The following CAD variants were observed in gnomAD, a reference collection of about 807,000 sequenced individuals.
CAD encodes carbamoyl-phosphate synthetase 2, aspartate transcarbamylase, and dihydroorotase.
Under a neutral mutation model 237.2 loss-of-function variants are expected in CAD, and 81 were observed. That is an observed-to-expected ratio of 0.34 (90% CI 0.29 to 0.41). CAD has a LOEUF of 0.41. Among genes scored for constraint, CAD ranks in the 10% least tolerant of loss-of-function variants. The pLI is 1.00. For synonymous variants in CAD, 1,196 were observed against 1,162.8 expected (o/e 1.03, Z -0.58); for missense variants, 2,181 against 2,951.7 (o/e 0.74, Z 6.05).
Position 27,240,490 on chromosome 2 carries a change from T to C in CAD, c.5593+129T>C. 6.7e-7 allele frequency: 1 copy of C among 1,503,716 alleles called. No homozygotes were observed. Among genetic ancestry groups the C allele is most frequent in the South Asian group, 1.2e-5 (1 of 85,196 alleles). The allele number at this position is 1,503,716 out of a possible 1,614,324, so 93.1% of individuals were successfully genotyped here. A position where few individuals can be genotyped will look rare whatever the true frequency, so the allele number is the denominator to read the frequency against. On this transcript the variant is annotated intron_variant, in intron 35 of 43. Transcript: ENST00000264705. This position sits in a 1 kb window ranked among gnomAD's most constrained non-coding sequence, Gnocchi z 4.6. Reference sequence around the variant, plus strand: ...TATCCTCGTCTGATCTGCCGTGCCATCCTTTGCCTAAACAAGTCTCCCCGG... The same window carrying C: ...TATCCTCGTCTGATCTGCCGTGCCACCCTTTGCCTAAACAAGTCTCCCCGG...
In CAD at chr2:27,236,416, C is replaced by T. The variant is rs1366965500; in HGVS notation, c.4207C>T (p.Arg1403Trp). ...INLSMRGAGGRRLSSFVTKGY... is the reference protein window; with the variant it reads ...INLSMRGAGGWRLSSFVTKGY... ...CCTGTCAATGCGTGGAGCTGGGGGC[C>T]GGCGTCTCTCTTCCTTTGTCACCAA... The change falls in exon 26 of 44, where the codon CGG (arginine) becomes TGG (tryptophan). Residue 1403 changes from arginine to tryptophan, a missense_variant. Around this residue, in one of 12 missense-constraint regions of CAD, gnomAD observed 306 missense variants for 607.9 expected, o/e 0.50. Coordinates refer to ENST00000264705, the MANE Select transcript of CAD (RefSeq NM_004341.5). This position sits in a 1 kb window ranked among gnomAD's most constrained non-coding sequence, Gnocchi z 4.1. 2.5e-6 allele frequency: 4 copies of T among 1,614,046 alleles called. No individual in the cohort carries two copies. The highest frequency in any genetic ancestry group is 1.3e-5 in the African/African-American group (1 of 74,914).
chr2:27,238,307 C>G (rs1676123638), intron 30 of CAD, 120 bp downstream of exon 30: 2 of 1,459,540 alleles, frequency 1.4e-6, no homozygotes, highest in Admixed American at 4.0e-5. Flanking sequence ...GGAGGAGGGT[C>G]TCGAGCCAGC....
rs1676351882 is a variant in CAD at position 27,242,170 on chromosome 2, A to G, written c.6096+47A>G. 4 of 1,599,472 alleles carry G rather than the reference A, an allele frequency of 2.5e-6. No homozygotes were observed. Among genetic ancestry groups the G allele is most frequent in the Non-Finnish European group, 1.7e-6 (2 of 1,170,508 alleles). On this transcript the variant is annotated intron_variant, in intron 39 of 43. Transcript: ENST00000264705. The surrounding 1 kb of genome is among the most constrained non-coding windows in gnomAD (Gnocchi z 6.4). ...AGATGGGGTTAAGAAGGCTGGACCC[A>G]GGGGCATGAGAACCCTTCTGCCCAC... is the stretch of plus-strand genomic sequence containing the variant.
In CAD at chr2:27,235,866, G is replaced by C; in HGVS notation, c.4074+226G>C. On this transcript the variant is annotated intron_variant, in intron 25 of 43. Transcript: ENST00000264705. This position sits in a 1 kb window ranked among gnomAD's most constrained non-coding sequence, Gnocchi z 5.2. ...ACTCCAGCTTGGGAAACAGTGAGAT[G>C]CTGTCTCAAAAAAAAAAAAAACAAA... The C allele has an allele frequency of 4.2e-6, 2 of 476,356 alleles. No homozygotes were observed. The highest frequency in any genetic ancestry group is 7.3e-6 in the Non-Finnish European group (2 of 273,490). The allele number at this position is 476,356 out of a possible 1,614,324, so 29.5% of individuals were successfully genotyped here. A position where few individuals can be genotyped will look rare whatever the true frequency, so the allele number is the denominator to read the frequency against.
Position 27,236,330 on chromosome 2 carries a change from G to T in CAD, c.4121G>T (p.Cys1374Phe), listed in dbSNP as rs747463268. 1.9e-6 allele frequency: 3 copies of T among 1,614,120 alleles called. No homozygotes were observed. The highest frequency in any genetic ancestry group is 2.5e-6 in the Non-Finnish European group (3 of 1,179,972). Residue 1374 changes from cysteine (C) to phenylalanine (F), a missense_variant, in exon 26 of 44, where the codon TGC (cysteine) becomes TTC (phenylalanine). Transcript: ENST00000264705. The surrounding 1 kb of genome is among the most constrained non-coding windows in gnomAD (Gnocchi z 4.1). ...WHFEEAVDGE[C>F]PPQRSILEQL... The stretch of plus-strand genomic sequence containing the variant: ...TTTGAGGAGGCTGTGGATGGTGAGT[G>T]CCCACCACAGCGGAGCATCCTGGAG...
At position 27,236,418 on chromosome 2, in the gene CAD, G is replaced by A; in HGVS notation, c.4209G>A (p.Arg1403=). ...INLSMRGAGG[R]RLSSFVTKGY... ...TGTCAATGCGTGGAGCTGGGGGCCGGCGTCTCTCTTCCTTTGTCACCAAGG... is the reference window on the plus strand; with the variant it reads ...TGTCAATGCGTGGAGCTGGGGGCCGACGTCTCTCTTCCTTTGTCACCAAGG... Residue 1403 remains arginine, a synonymous_variant, in exon 26 of 44, where the codon CGG becomes CGA. Transcript: ENST00000264705. The surrounding 1 kb of genome is among the most constrained non-coding windows in gnomAD (Gnocchi z 4.1). 3 of 1,614,210 alleles carry A rather than the reference G, an allele frequency of 1.9e-6. No individual in the cohort carries two copies. Among genetic ancestry groups the A allele is most frequent in the Non-Finnish European group, 1.7e-6 (2 of 1,180,048 alleles).
At position 27,239,124 on chromosome 2, in the gene CAD, G is replaced by T. The variant is rs1377201420; in HGVS notation, c.5145G>T (p.Leu1715=). Residue 1715 remains leucine (L), a synonymous_variant, in exon 32 of 44, where the codon CTG becomes CTT. Transcript: ENST00000264705. This position sits in a 1 kb window ranked among gnomAD's most constrained non-coding sequence, Gnocchi z 4.0. ...PGLETMLPLL[L]TAVSEGRLSL... The stretch of plus-strand genomic sequence containing the variant: ...TAGAGACCATGCTGCCACTACTCCT[G>T]ACGGCTGTAAGCGAGGGCCGGCTCA... 1.2e-6 allele frequency: 2 copies of T among 1,613,332 alleles called. No individual in the cohort carries two copies. The highest frequency in any genetic ancestry group is 2.7e-5 in the African/African-American group (2 of 75,038).
rs1365157763 is a variant in CAD at position 27,242,991 on chromosome 2, G to C, written c.6480+18G>C. On this transcript the variant is annotated intron_variant, in intron 42 of 43. Coordinates refer to ENST00000264705, the MANE Select transcript of CAD (RefSeq NM_004341.5). The surrounding 1 kb of genome is among the most constrained non-coding windows in gnomAD (Gnocchi z 6.4). Reference sequence around the variant, plus strand: ...ACGAAGCTGTGAGTGCTGGGCTTGAGGAAGAAGCCAGGGCTGCTGCCGTAG... The same window carrying C: ...ACGAAGCTGTGAGTGCTGGGCTTGACGAAGAAGCCAGGGCTGCTGCCGTAG... 9 of 1,575,230 alleles carry C rather than the reference G, an allele frequency of 5.7e-6. No individual in the cohort carries two copies. Among genetic ancestry groups the C allele is most frequent in the Admixed American group, 1.7e-5 (1 of 58,598 alleles).
At chr2:27,219,685 G>A (rs528983323) in intron 2 of CAD, among the ~76,000 whole-genome samples, 11 of 152,230 alleles carry the variant, frequency 7.2e-5, no homozygotes, top group Admixed American at 7.2e-4. Flanking sequence ...CGCCTCCCGG[G>A]TTCAAGCTAT....
Position 27,242,889 on chromosome 2 carries a change from T to C in CAD, c.6396T>C (p.Ile2132=), listed in dbSNP as rs756487218. ...RGTKQEEFES[I]EEALPDTDVL... ...CCCTCCAGGAGGAATTCGAGAGCAT[T>C]GAGGAGGCGCTGCCTGACACTGATG... The change falls in exon 42 of 44, where the codon ATT becomes ATC. Residue 2132 remains isoleucine, a synonymous_variant. Transcript: ENST00000264705. This position sits in a 1 kb window ranked among gnomAD's most constrained non-coding sequence, Gnocchi z 6.4. 1.9e-6 allele frequency: 3 copies of C among 1,614,080 alleles called. No homozygotes were observed. The highest frequency in any genetic ancestry group is 3.3e-5 in the Admixed American group (2 of 60,026).
At chr2:27,223,847 T>A in intron 7 of CAD, 70 bp from the exon 8 acceptor site, 1 of 1,542,772 alleles carries the variant, frequency 6.5e-7, no homozygotes, top group Non-Finnish European at 9.0e-7. Context: ...CCTGTCCCAC[T>A]ACCCACCTCG....
At chr2:27,229,876 GA>G (rs1215538368) in intron 15 of CAD, among the ~76,000 whole-genome samples, 29,391 of 85,240 alleles carry the variant, frequency 0.34, 3,248 homozygotes, top group Admixed American at 0.45. Context: ...CTACGTCTCA[GA>G]AAAAAAAAAA....
rs764678174 is a variant in CAD, at chr2:27,221,377, C to G, written c.352+30C>G. The G allele has an allele frequency of 6.5e-5, 98 of 1,511,382 alleles. 1 individual carries two copies. The highest frequency in any genetic ancestry group is 7.8e-5 in the Non-Finnish European group (88 of 1,127,198). 93.6% of individuals were successfully genotyped at this position (1,511,382 alleles called of 1,614,324 possible). The stretch of plus-strand genomic sequence containing the variant: ...GGTGGCAAGCAGGGGCATATTTGGG[C>G]AGAGCACAGCATGCCTGGATGGAAA... On this transcript the variant is annotated intron_variant, in intron 3 of 43. Coordinates refer to ENST00000264705, the MANE Select transcript of CAD (RefSeq NM_004341.5).
Position 27,235,999 on chromosome 2 carries a change from C to T in CAD, c.4075-285C>T. ...AGCAAAGAGAAAAGTCTCTTAAAAT[C>T]TCTGTACCACTGTTCTGATATTTTT... On this transcript the variant is annotated intron_variant, in intron 25 of 43. Transcript: ENST00000264705. The surrounding 1 kb of genome is among the most constrained non-coding windows in gnomAD (Gnocchi z 5.2). The T allele has an allele frequency of 2.0e-6, 1 of 511,600 alleles. No homozygotes were observed. The highest frequency in any genetic ancestry group is 3.5e-6 in the Non-Finnish European group (1 of 289,392). The allele number at this position is 511,600 out of a possible 1,614,324, so 31.7% of individuals were successfully genotyped here. A position where few individuals can be genotyped will look rare whatever the true frequency, so the allele number is the denominator to read the frequency against.
intron 15 of CAD, chr2:27,227,656 A>G (rs577806701): frequency 6.6e-5 from 10 of 152,264 alleles, no homozygotes; most frequent in Admixed American, 4.6e-4. Context: ...GAATGAAGCC[A>G]TAATTAAATT....
chr2:27,219,571 T>C (rs1352231457), intron 2 of CAD, among the ~76,000 whole-genome samples: 2 of 151,934 alleles, frequency 1.3e-5, no homozygotes, highest in African/African-American at 2.4e-5. Flanking sequence ...TATGTTATCT[T>C]TTTTTATTTA....
Position 27,242,694 on chromosome 2 carries a change from C to G in CAD, c.6297C>G (p.Val2099=). 1 of 1,614,098 alleles carries G rather than the reference C, an allele frequency of 6.2e-7. No homozygotes were observed. The highest frequency in any genetic ancestry group is 8.5e-7 in the Non-Finnish European group (1 of 1,179,966). Residue 2099 remains valine, a synonymous_variant, in exon 41 of 44, where the codon GTC becomes GTG. Transcript: ENST00000264705. This position sits in a 1 kb window ranked among gnomAD's most constrained non-coding sequence, Gnocchi z 6.4. ...SLACLLTQYR[V]SLRYVAPPSL... The stretch of plus-strand genomic sequence containing the variant: ...CCTGCCTGCTCACCCAGTATCGTGT[C>G]AGCCTGCGCTACGTGGCACCTCCCA...
chr2:27,225,303 CTTTTTTTTT>C (rs1221617250), intron 11 of CAD, 60 bp downstream of exon 11: 16 of 542,770 alleles, frequency 2.9e-5, no homozygotes, highest in Admixed American at 3.9e-5. Flanking sequence ...GTGTTATTTT[CTTTTTTTTT>C]TTTTTTTTTT....
rs748928717 is a variant in CAD at position 27,217,861 on chromosome 2, T to A, written c.83-16T>A. The A allele has an allele frequency of 1.0e-5, 16 of 1,587,500 alleles. No homozygotes were observed. The highest frequency in any genetic ancestry group is 1.4e-5 in the Non-Finnish European group (16 of 1,166,638). On this transcript the variant is annotated splice_polypyrimidine_tract_variant and intron_variant, in intron 1 of 43. Coordinates refer to ENST00000264705, the MANE Select transcript of CAD (RefSeq NM_004341.5). ...AGGGTGCCCTACCGGAGCCCAGCCC[T>A]GCTTCTTTCTTGCAGTGTTTCAAAC...
Sources: gnomAD v4.1 joint callset for allele counts (sites outside exome capture counted in the v4.1 genomes callset) on GRCh38, gnomAD v4.1.1 for gene constraint, gnomAD v4.1.1 regional missense constraint, Gnocchi (gnomAD v3.1) non-coding constraint, MANE v1.5 for transcripts, NCBI Gene and HGNC (gene_info 2026-07-23, HGNC 2026-07-21) for gene names.